The following RTN4IP1 variants were observed in gnomAD, a reference collection of about 807,000 sequenced individuals.
RTN4IP1 encodes the protein reticulon 4 interacting protein 1, also known as NAD(P)H oxidoreductase RTN4IP1, mitochondrial.
In RTN4IP1, 32 loss-of-function variants were observed where a neutral mutation model predicts 46.6. That is an observed-to-expected ratio of 0.69 (90% CI 0.52 to 0.92). The LOEUF (loss-of-function observed/expected upper bound fraction) is 0.92, where lower values mean the gene tolerates loss of function less well. RTN4IP1 is among the 40% of genes least tolerant of loss of function. The probability of loss-of-function intolerance (pLI) is 0.00; values close to 1 mark genes in which losing one functional copy is unlikely to be tolerated. For missense variants in RTN4IP1, 424 were observed against 485.8 expected, an observed-to-expected ratio of 0.87 and a Z score of 1.20; for synonymous variants, 167 against 161.8, an observed-to-expected ratio of 1.03 and a Z score of -0.24.
intron 8 of RTN4IP1, among the ~76,000 whole-genome samples, chr6:106,573,327 T>A (rs930060193): frequency 6.6e-6 from 1 of 152,214 alleles, no homozygotes; most frequent in Non-Finnish European, 1.5e-5. Flanking sequence ...AACTCATACA[T>A]TTTACGCTTT....
At chr6:106,609,627 C>A (rs113654687) in intron 4 of RTN4IP1, among the ~76,000 whole-genome samples, 60 of 152,336 alleles carry the variant, frequency 3.9e-4, no homozygotes, top group African/African-American at 1.4e-3. Context: ...TGAAAGACTG[C>A]ATTCAAGTTT....
Position 106,571,079 on chromosome 6 carries a change from T to C in RTN4IP1, c.*917A>G, listed in dbSNP as rs76153017. The stretch of plus-strand genomic sequence containing the variant: ...CTCCATTGGAAGGCTGCAATTTCCA[T>C]GGAAAAGCCCTCAGAGAAGCATGTT... On this transcript the variant is annotated 3_prime_UTR_variant, in exon 9 of 9. Transcript: ENST00000369063. 6.6e-6 allele frequency: 1 copy of C among 152,182 alleles called. No individual in the cohort carries two copies. Among genetic ancestry groups the C allele is most frequent in the African/African-American group, 2.4e-5 (1 of 41,428 alleles). The allele number at this position is 152,182 out of a possible 1,614,324, so 9.4% of individuals were successfully genotyped here.
intron 4 of RTN4IP1, among the ~76,000 whole-genome samples, chr6:106,616,447 G>C (rs188551867): frequency 3.3e-5 from 5 of 152,196 alleles, no homozygotes; most frequent in Admixed American, 3.3e-4. Flanking sequence ...GGTGCTGATA[G>C]GTGTTTTTGT....
Position 106,612,780 on chromosome 6 carries a change from C to A in RTN4IP1, c.620+6422G>T, listed in dbSNP as rs370337992. Among the ~76,000 whole-genome samples, 315 of 152,218 alleles carry A rather than the reference C, an allele frequency of 2.1e-3. 1 individual carries two copies. The highest frequency in any genetic ancestry group is 7.0e-3 in the African/African-American group (292 of 41,552). ...GCCCTGACTCCCGCCAAAGCACTCA[C>A]CCCATCATTCTCTTTAAATTAGCCA... On this transcript the variant is annotated intron_variant, in intron 4 of 8. Coordinates refer to ENST00000369063, the MANE Select transcript of RTN4IP1 (RefSeq NM_032730.5).
At chr6:106,626,428 G>C (rs1776647194) in intron 1 of RTN4IP1, among the ~76,000 whole-genome samples, 1 of 152,110 alleles carries the variant, frequency 6.6e-6, no homozygotes, top group South Asian at 2.1e-4. Context: ...CTTTTCCACT[G>C]CTAAAGATAA....
At chr6:106,592,094 G>C in intron 6 of RTN4IP1, 70 bp downstream of exon 6, 2 of 1,468,696 alleles carry the variant, frequency 1.4e-6, no homozygotes, top group Non-Finnish European at 1.9e-6. Flanking sequence ...AAGCCACCAA[G>C]CCATCTCAGA....
chr6:106,597,511 T>G (rs1775826461), intron 5 of RTN4IP1, among the ~76,000 whole-genome samples: 1 of 151,858 alleles, frequency 6.6e-6, no homozygotes, highest in African/African-American at 2.4e-5. Flanking sequence ...GCCCAGCTAA[T>G]TTTTGTATTT....
intron 1 of RTN4IP1, among the ~76,000 whole-genome samples, chr6:106,628,507 T>C (rs1235877246): frequency 1.3e-5 from 2 of 152,040 alleles, no homozygotes; most frequent in African/African-American, 2.4e-5. Context: ...TTCTCAAGTC[T>C]GAACTTACAT....
rs868257657 is a variant in RTN4IP1, at chr6:106,589,251, A to G, written c.807-1389T>C. Among the ~76,000 whole-genome samples, 7 of 2,330 alleles carry G rather than the reference A, an allele frequency of 3.0e-3. 1 individual carries two copies. Among genetic ancestry groups the G allele is most frequent in the East Asian group, 0.012 (2 of 172 alleles). 1.5% of individuals were successfully genotyped at this position (2,330 alleles called of 152,430 possible). ...AGGAGGAGGGAGGGAGGAGGAGGAG[A>G]AGGAGGAGGAGAAGGAGAAGAAGAA... On this transcript the variant is annotated intron_variant, in intron 6 of 8. Coordinates refer to ENST00000369063, the MANE Select transcript of RTN4IP1 (RefSeq NM_032730.5).
intron 2 of RTN4IP1, 114 bp from the exon 3 acceptor site, chr6:106,621,607 A>G: frequency 1.3e-6 from 1 of 749,060 alleles, no homozygotes; most frequent in Non-Finnish European, 2.3e-6. Flanking sequence ...CACAGAAGTC[A>G]GCACTACACC....
intron 4 of RTN4IP1, among the ~76,000 whole-genome samples, chr6:106,605,582 G>C (rs1776044675): frequency 1.3e-5 from 2 of 151,978 alleles, no homozygotes; most frequent in South Asian, 4.1e-4. Flanking sequence ...GGGAGGCCGA[G>C]GTGGGCAGAT....
At chr6:106,621,563 G>A (rs920007752) in intron 2 of RTN4IP1, 70 bp from the exon 3 acceptor site, 1 of 1,335,402 alleles carries the variant, frequency 7.5e-7, no homozygotes. Context: ...AAGCAAGAAA[G>A]TGTTCCCTAA....
intron 8 of RTN4IP1, among the ~76,000 whole-genome samples, chr6:106,580,585 G>C (rs983904467): frequency 4.6e-5 from 7 of 152,046 alleles, no homozygotes; most frequent in Admixed American, 6.5e-5. Context: ...CAGGTGTGGT[G>C]GTGGGCACCT....
chr6:106,600,168 G>A lies in RTN4IP1; in HGVS notation c.669+2706C>T, dbSNP rs150860733. ...CTGGGTTCTCAAAAAGTCTAAGCTG[G>A]GTCTGGGGTGGTCTATAACACCCAA... On this transcript the variant is annotated intron_variant, in intron 5 of 8. Coordinates refer to ENST00000369063, the MANE Select transcript of RTN4IP1 (RefSeq NM_032730.5). Among the ~76,000 whole-genome samples, 175 of 152,088 alleles carry A rather than the reference G, an allele frequency of 1.2e-3. 2 individuals carry two copies. In the East Asian group the frequency reaches 0.03, roughly 26 times the overall value.
At chr6:106,574,262 G>T (rs938476404) in intron 8 of RTN4IP1, among the ~76,000 whole-genome samples, 2 of 152,084 alleles carry the variant, frequency 1.3e-5, no homozygotes, top group Middle Eastern at 3.4e-3. Flanking sequence ...TGGCCAACAT[G>T]GTGAAACCTA....
At chr6:106,616,489 G>T (rs980768033) in intron 4 of RTN4IP1, among the ~76,000 whole-genome samples, 1 of 151,744 alleles carries the variant, frequency 6.6e-6, no homozygotes, top group Non-Finnish European at 1.5e-5. Context: ...TTAATTAACT[G>T]ATTAGAAAAA....
At chr6:106,621,561 A>G in intron 2 of RTN4IP1, 68 bp from the exon 3 acceptor site, 1 of 1,348,318 alleles carries the variant, frequency 7.4e-7, no homozygotes, top group Non-Finnish European at 1.1e-6. Flanking sequence ...CTAAGCAAGA[A>G]AGTGTTCCCT....
intron 1 of RTN4IP1, among the ~76,000 whole-genome samples, chr6:106,625,666 T>C (rs201346690): frequency 1.7e-3 from 217 of 124,952 alleles, no homozygotes; most frequent in Non-Finnish European, 2.4e-3. Flanking sequence ...TTTTTCTTTT[T>C]TTTTTTTTTT....
At chr6:106,614,620 A>C (rs575946522) in intron 4 of RTN4IP1, among the ~76,000 whole-genome samples, 120 of 152,324 alleles carry the variant, frequency 7.9e-4, no homozygotes, top group African/African-American at 2.9e-3. Flanking sequence ...TCAACAACAA[A>C]AAAAGAAAAC....
Sources: allele counts gnomAD v4.1 joint callset (sites outside exome capture counted in the v4.1 genomes callset), GRCh38; gene constraint gnomAD v4.1.1; transcripts MANE v1.5; gene names NCBI Gene and HGNC (gene_info 2026-07-23, HGNC 2026-07-21).